POLR3H: variants seen among roughly 807,000 people sequenced by gnomAD.
POLR3H encodes RNA polymerase III subunit H.
A neutral mutation model predicts 25.5 loss-of-function variants in POLR3H; 17 were observed. That is an observed-to-expected ratio of 0.67 (90% CI 0.46 to 1.00). POLR3H has a LOEUF of 1.00. POLR3H is among the 50% of genes least tolerant of loss of function. POLR3H has a pLI of 0.00. For synonymous variants in POLR3H, 129 were observed against 103.0 expected (o/e 1.25, Z -1.53); for missense variants, 274 against 265.0 (o/e 1.03, Z -0.24).
intron 2 of POLR3H, among the ~76,000 whole-genome samples, chr22:41,533,241 C>T (rs73420825): frequency 6.6e-6 from 1 of 152,200 alleles, no homozygotes; most frequent in African/African-American, 2.4e-5. Context: ...CAGGTGGTCC[C>T]CACTCACCTG....
In POLR3H at chr22:41,528,758, A is replaced by G. The variant is rs995367735; in HGVS notation, c.*525T>C. On this transcript the variant is annotated 3_prime_UTR_variant, in exon 6 of 6. Coordinates refer to ENST00000355209, the MANE Select transcript of POLR3H (RefSeq NM_001018050.4). ...TGCTCCCCGCTTAGCCCACGGAGTG[A>G]CTGTGGTTGTGGTGGGGGGGTTCTT... 30 of 1,224,170 alleles carry G rather than the reference A, an allele frequency of 2.5e-5. No individual in the cohort carries two copies. Among genetic ancestry groups the G allele is most frequent in the Admixed American group, 5.8e-5 (2 of 34,350 alleles). 75.8% of individuals were successfully genotyped at this position (1,224,170 alleles called of 1,614,324 possible). A position where few individuals can be genotyped will look rare whatever the true frequency, so the allele number is the denominator to read the frequency against.
chr22:41,541,250 T>G (rs1206759250), intron 1 of POLR3H, among the ~76,000 whole-genome samples: 2 of 152,194 alleles, frequency 1.3e-5, no homozygotes, highest in Non-Finnish European at 2.9e-5. Context: ...TGCCTAAACG[T>G]GCACTCTCCG....
Position 41,528,687 on chromosome 22 carries a change from C to T in POLR3H, c.*596G>A. 1 of 1,557,680 alleles carries T rather than the reference C, an allele frequency of 6.4e-7. No individual in the cohort carries two copies. Among genetic ancestry groups the T allele is most frequent in the East Asian group, 2.3e-5 (1 of 43,494 alleles). ...GTGCCATCAGTGGATCCGATCCGTC[C>T]AGCCATGGCTTCCTATTCCAAGATG... is the stretch of plus-strand genomic sequence containing the variant. On this transcript the variant is annotated 3_prime_UTR_variant, in exon 6 of 6. Coordinates refer to ENST00000355209, the MANE Select transcript of POLR3H (RefSeq NM_001018050.4).
Position 41,528,217 on chromosome 22 carries a change from A to C in POLR3H, c.*1066T>G, listed in dbSNP as rs2066644672. The C allele has an allele frequency of 7.8e-6, 7 of 895,296 alleles. No homozygotes were observed. In the Admixed American group the frequency reaches 2.0e-4, roughly 26 times the overall value. The allele number at this position is 895,296 out of a possible 1,614,324, so 55.5% of individuals were successfully genotyped here. ...GGGTTGGAGTCAACCCGGGGCCCTC[A>C]CACCTCCCCAACCTCCCTTTACTCA... is the stretch of plus-strand genomic sequence containing the variant. On this transcript the variant is annotated 3_prime_UTR_variant, in exon 6 of 6. Coordinates refer to ENST00000355209, the MANE Select transcript of POLR3H (RefSeq NM_001018050.4).
rs1336548666 is a variant in POLR3H at position 41,528,735 on chromosome 22, C to T, written c.*548G>A. The T allele has an allele frequency of 2.9e-6, 4 of 1,381,960 alleles. No individual in the cohort carries two copies. Among genetic ancestry groups the T allele is most frequent in the African/African-American group, 2.9e-5 (2 of 69,244 alleles). 85.6% of individuals were successfully genotyped at this position (1,381,960 alleles called of 1,614,324 possible). A position where few individuals can be genotyped will look rare whatever the true frequency, so the allele number is the denominator to read the frequency against. On this transcript the variant is annotated 3_prime_UTR_variant, in exon 6 of 6. Transcript: ENST00000355209. ...ATGGTGTGACCAGACATGCTTCCTG[C>T]TCCCCGCTTAGCCCACGGAGTGACT... is the stretch of plus-strand genomic sequence containing the variant.
chr22:41,538,440 A>G (rs928974554), intron 2 of POLR3H, among the ~76,000 whole-genome samples: 3 of 151,928 alleles, frequency 2.0e-5, no homozygotes, highest in Non-Finnish European at 2.9e-5. Flanking sequence ...TTGTAGTTTT[A>G]GTAGAGATGA....
chr22:41,528,197 G>A lies in POLR3H; in HGVS notation c.*1086C>T. 2.8e-6 allele frequency: 3 copies of A among 1,056,638 alleles called. No individual in the cohort carries two copies. The highest frequency in any genetic ancestry group is 4.0e-6 in the Non-Finnish European group (3 of 744,344). 65.5% of individuals were successfully genotyped at this position (1,056,638 alleles called of 1,614,324 possible). A position where few individuals can be genotyped will look rare whatever the true frequency, so the allele number is the denominator to read the frequency against. ...AAGTGGCTTCTCAGAGTTGGGGGTTGGAGTCAACCCGGGGCCCTCACACCT... is the reference window on the plus strand; with the variant it reads ...AAGTGGCTTCTCAGAGTTGGGGGTTAGAGTCAACCCGGGGCCCTCACACCT... On this transcript the variant is annotated 3_prime_UTR_variant, in exon 6 of 6. Coordinates refer to ENST00000355209, the MANE Select transcript of POLR3H (RefSeq NM_001018050.4).
At chr22:41,529,458 C>G in intron 5 of POLR3H, 122 bp from the exon 6 acceptor site, 1 of 822,290 alleles carries the variant, frequency 1.2e-6, no homozygotes, top group Non-Finnish European at 2.0e-6. Flanking sequence ...ACACGGCAGC[C>G]AAGAGGCTCT....
chr22:41,531,224 G>A (rs75694677), intron 4 of POLR3H, among the ~76,000 whole-genome samples: 6,313 of 152,264 alleles, frequency 0.041, 197 homozygotes, highest in Middle Eastern at 0.065. Flanking sequence ...CTCCTGCCAC[G>A]GAGCCCCACA....
At chr22:41,541,166 C>G (rs2066923026) in intron 1 of POLR3H, among the ~76,000 whole-genome samples, 1 of 152,174 alleles carries the variant, frequency 6.6e-6, no homozygotes, top group Non-Finnish European at 1.5e-5. Context: ...TAGCCTTGTA[C>G]CTGGCTCGTG....
intron 5 of POLR3H, among the ~76,000 whole-genome samples, chr22:41,529,978 A>C (rs962327659): frequency 1.3e-5 from 2 of 151,686 alleles, no homozygotes; most frequent in Non-Finnish European, 2.9e-5. Context: ...GATGGTCTCA[A>C]TCTCCTGACC....
intron 5 of POLR3H, chr22:41,529,787 G>C (rs1189290722): frequency 2.3e-6 from 1 of 434,218 alleles, no homozygotes; most frequent in Non-Finnish European, 4.5e-6. Flanking sequence ...AGACAGTCTC[G>C]CACTGTCACC....
intron 2 of POLR3H, chr22:41,533,718 C>T: frequency 7.7e-7 from 1 of 1,304,022 alleles, no homozygotes; most frequent in Non-Finnish European, 1.0e-6. Context: ...GCCATCACAG[C>T]CACCATGAAG....
chr22:41,527,860 C>A lies in POLR3H; in HGVS notation c.*1423G>T, dbSNP rs1386760400. 5 of 1,613,798 alleles carry A rather than the reference C, an allele frequency of 3.1e-6. No individual in the cohort carries two copies. Among genetic ancestry groups the A allele is most frequent in the African/African-American group, 1.3e-5 (1 of 74,932 alleles). On this transcript the variant is annotated 3_prime_UTR_variant, in exon 6 of 6. Coordinates refer to ENST00000355209, the MANE Select transcript of POLR3H (RefSeq NM_001018050.4). ...GGTTCAGAAAATGAAGCTCTCCAGG[C>A]TAGTCAGGCCCCCGATGACCGAATG...
Position 41,526,291 on chromosome 22 carries a change from C to T in POLR3H, c.*2992G>A, listed in dbSNP as rs1187408863. 1 of 1,612,348 alleles carries T rather than the reference C, an allele frequency of 6.2e-7. No individual in the cohort carries two copies. Among genetic ancestry groups the T allele is most frequent in the African/African-American group, 1.3e-5 (1 of 74,896 alleles). ...AAGGGAAGTGTACCACTGACCACAT[C>T]TCAGCTGCTGGCCCCTGGCTCAAGT... On this transcript the variant is annotated 3_prime_UTR_variant, in exon 6 of 6. Coordinates refer to ENST00000355209, the MANE Select transcript of POLR3H (RefSeq NM_001018050.4).
intron 1 of POLR3H, among the ~76,000 whole-genome samples, chr22:41,542,024 C>T (rs1335666868): frequency 6.6e-6 from 1 of 152,046 alleles, no homozygotes; most frequent in Admixed American, 6.5e-5. Context: ...CTGTCCAGCC[C>T]ACCCTCCCCT....
intron 3 of POLR3H, 135 bp downstream of exon 3, chr22:41,532,524 G>A (rs2066757080): frequency 1.3e-6 from 2 of 1,499,830 alleles, no homozygotes; most frequent in Admixed American, 2.0e-5. Context: ...AAGGGAGGGT[G>A]GGCAAGCTTC....
intron 4 of POLR3H, 139 bp downstream of exon 4, chr22:41,531,955 C>T: frequency 1.4e-6 from 1 of 695,714 alleles, no homozygotes; most frequent in Non-Finnish European, 2.5e-6. Context: ...GCCTCTGGAG[C>T]AAAAGCACAG....
At chr22:41,542,043 G>A (rs1319685677) in intron 1 of POLR3H, among the ~76,000 whole-genome samples, 1 of 144,158 alleles carries the variant, frequency 6.9e-6, no homozygotes, top group African/African-American at 2.5e-5. Context: ...CTCTGCCCAA[G>A]CCACACCAGC....
Sources: gnomAD v4.1 joint callset for allele counts (sites outside exome capture counted in the v4.1 genomes callset) on GRCh38, gnomAD v4.1.1 for gene constraint, MANE v1.5 for transcripts, NCBI Gene and HGNC (gene_info 2026-07-23, HGNC 2026-07-21) for gene names.